Variants in SHANK1 observed in about 807,000 individuals in gnomAD.
SHANK1 encodes SH3 and multiple ankyrin repeat domains protein 1.
Under a neutral mutation model 165.6 loss-of-function variants are expected in SHANK1, and 35 were observed. That is an observed-to-expected ratio of 0.21 (90% confidence interval 0.16 to 0.28). The LOEUF is 0.28. SHANK1 is among the 10% of genes least tolerant of loss of function. The pLI is 1.00. For missense variants in SHANK1, 2,681 were observed against 3,036.4 expected, an observed-to-expected ratio of 0.88 and a Z score of 2.75; for synonymous variants, 1,428 against 1,384.8, an observed-to-expected ratio of 1.03 and a Z score of -0.69.
rs1011927207 is a variant in SHANK1 at position 50,713,088 on chromosome 19, TC to T, written c.792+709del. Among the ~76,000 whole-genome samples, 2 of 152,034 alleles carry T rather than the reference TC, an allele frequency of 1.3e-5. No individual in the cohort carries two copies. Among genetic ancestry groups the T allele is most frequent in the African/African-American group, 4.8e-5 (2 of 41,374 alleles). ...GCATTAGGGGCTCTTCAGGAAAGCATCTGAGGGAGAGAAGGGAGGGGCCGTT... is the reference window on the plus strand; with the variant it reads ...GCATTAGGGGCTCTTCAGGAAAGCATTGAGGGAGAGAAGGGAGGGGCCGTT... On this transcript the variant is annotated intron_variant, in intron 6 of 23. Transcript: ENST00000293441. This position sits in a 1 kb window ranked among gnomAD's most constrained non-coding sequence, Gnocchi z 6.2.
chr19:50,669,682 G>C (rs1985719714), intron 22 of SHANK1, among the ~76,000 whole-genome samples: 1 of 152,076 alleles, frequency 6.6e-6, no homozygotes, highest in South Asian at 2.1e-4. Flanking sequence ...ACGTATATGC[G>C]GGAAAGAAAT....
In SHANK1 at chr19:50,713,961, G is replaced by T; in HGVS notation, c.641-12C>A. ...TGTCAAGGGGGTCTCTGAAGGGCGGGAAAAGCTGGTCACATGAAGCCCCTT... is the reference window on the plus strand; with the variant it reads ...TGTCAAGGGGGTCTCTGAAGGGCGGTAAAAGCTGGTCACATGAAGCCCCTT... On this transcript the variant is annotated splice_polypyrimidine_tract_variant and intron_variant, in intron 5 of 23. Transcript: ENST00000293441. The surrounding 1 kb of genome is among the most constrained non-coding windows in gnomAD (Gnocchi z 6.2). 6.2e-7 allele frequency: 1 copy of T among 1,613,474 alleles called. No individual in the cohort carries two copies. Among genetic ancestry groups the T allele is most frequent in the Non-Finnish European group, 8.5e-7 (1 of 1,179,674 alleles).
At chr19:50,671,978 C>G (rs762712092) in intron 22 of SHANK1, 40 bp downstream of exon 22, 1 of 1,470,854 alleles carries the variant, frequency 6.8e-7, no homozygotes. Flanking sequence ...ACGTTCCTGG[C>G]CTCCCCCAGC....
At chr19:50,694,656 G>A (rs1224695804) in intron 15 of SHANK1, among the ~76,000 whole-genome samples, 2 of 139,284 alleles carry the variant, frequency 1.4e-5, no homozygotes, top group Non-Finnish European at 3.1e-5. Flanking sequence ...GCTGACGAGT[G>A]CGTATTAGGG....
In SHANK1 at chr19:50,666,656, C is replaced by T; in HGVS notation, c.5304G>A (p.Leu1768=). ...GGAGTCCCCCGCTGGGGCCAGGCCG[C>T]AGGCCTCCGCTGGCTCCTAGCGCCC... ...RGRALGASGG[L]RPGPSGGLRD... Residue 1768 remains leucine (L), a synonymous_variant, in exon 23 of 24, where the codon CTG becomes CTA. Coordinates refer to ENST00000293441, the MANE Select transcript of SHANK1 (RefSeq NM_016148.5). 6.3e-7 allele frequency: 1 copy of T among 1,590,434 alleles called. No individual in the cohort carries two copies. Among genetic ancestry groups the T allele is most frequent in the Non-Finnish European group, 8.5e-7 (1 of 1,172,110 alleles).
chr19:50,711,799 A>AC, intron 7 of SHANK1, 148 bp downstream of exon 7: 1 of 961,498 alleles, frequency 1.0e-6, no homozygotes, highest in Non-Finnish European at 1.6e-6. Flanking sequence ...TTCTGCCTTC[A>AC]CCCCCACCAT....
At chr19:50,703,317 G>T (rs1431243835) in intron 11 of SHANK1, among the ~76,000 whole-genome samples, 183 bp downstream of exon 11, 3 of 152,142 alleles carry the variant, frequency 2.0e-5, no homozygotes, top group Non-Finnish European at 4.4e-5. Flanking sequence ...GCTAACATGT[G>T]GTGCACCGGG....
chr19:50,686,205 C>G lies in SHANK1; in HGVS notation c.2577+32G>C, dbSNP rs369206881. 7.5e-7 allele frequency: 1 copy of G among 1,333,468 alleles called. No homozygotes were observed. The highest frequency in any genetic ancestry group is 1.0e-6 in the Non-Finnish European group (1 of 954,376). The allele number at this position is 1,333,468 out of a possible 1,614,324, so 82.6% of individuals were successfully genotyped here. On this transcript the variant is annotated intron_variant, in intron 21 of 23. Transcript: ENST00000293441. The surrounding 1 kb of genome is among the most constrained non-coding windows in gnomAD (Gnocchi z 5.7). ...GGTTGGTGTGTGAACCGCCTCCCCC[C>G]TGGCAGTTCCTCCCCACACCAGGCC... is the stretch of plus-strand genomic sequence containing the variant.
chr19:50,702,897 T>C lies in SHANK1; in HGVS notation c.1554-237A>G, dbSNP rs1431375522. 6.6e-6 allele frequency among the ~76,000 whole-genome samples: 1 copy of C among 152,032 alleles called. No individual in the cohort carries two copies. On this transcript the variant is annotated intron_variant, in intron 11 of 23. Transcript: ENST00000293441. The surrounding 1 kb of genome is among the most constrained non-coding windows in gnomAD (Gnocchi z 5.3). ...CCGGCTCTGCCCCCTCCCACGGTCC[T>C]GCGCGCACCGCCTGATTCAGCTTCC... is the stretch of plus-strand genomic sequence containing the variant.
Position 50,666,393 on chromosome 19 carries a change from G to C in SHANK1, c.5567C>G (p.Ala1856Gly), listed in dbSNP as rs1228005438. The change falls in exon 23 of 24, where the codon GCC becomes GGC. Residue 1856 changes from alanine to glycine, a missense_variant. Coordinates refer to ENST00000293441, the MANE Select transcript of SHANK1 (RefSeq NM_016148.5). ...GGCCAAGGCTGAGGCCTGAGGCTGG[G>C]CCAAGGGCCCGGGCAGAGGTGGTGG... ...PPPPPLPGPL[A>G]QPQASALATV... is the part of the protein sequence containing the mutation. The C allele has an allele frequency of 6.2e-7, 1 of 1,613,316 alleles. No individual in the cohort carries two copies. The highest frequency in any genetic ancestry group is 8.5e-7 in the Non-Finnish European group (1 of 1,179,790).
chr19:50,673,966 A>AT (rs1027823347), intron 21 of SHANK1, among the ~76,000 whole-genome samples: 3 of 151,840 alleles, frequency 2.0e-5, no homozygotes, highest in South Asian at 2.1e-4. Flanking sequence ...TAATTTTTAA[A>AT]TTTTTTTGCA....
In SHANK1 at chr19:50,662,274, C is replaced by T. The variant is rs140720832; in HGVS notation, c.6177G>A (p.Pro2059=). ...CTCCCCCGAGCCCCCCGGATATCCC[C>T]GGGTGTGGCGGCACAAAGACTGGGG... ...PFAPVFVPPH[P]GISGGLGGAL... Residue 2059 remains proline (P), a synonymous_variant, in exon 24 of 24, where the codon CCG becomes CCA. Coordinates refer to ENST00000293441, the MANE Select transcript of SHANK1 (RefSeq NM_016148.5). The surrounding 1 kb of genome is among the most constrained non-coding windows in gnomAD (Gnocchi z 7.7). 78 of 1,611,756 alleles carry T rather than the reference C, an allele frequency of 4.8e-5. No homozygotes were observed. In the Middle Eastern group the frequency reaches 8.2e-4, roughly 17 times the overall value.
At position 50,668,036 on chromosome 19, in the gene SHANK1, C is replaced by T; in HGVS notation, c.3924G>A (p.Ala1308=). 1 of 1,476,748 alleles carries T rather than the reference C, an allele frequency of 6.8e-7. No homozygotes were observed. The highest frequency in any genetic ancestry group is 8.9e-7 in the Non-Finnish European group (1 of 1,119,318). The allele number at this position is 1,476,748 out of a possible 1,614,324, so 91.5% of individuals were successfully genotyped here. Reference sequence around the variant, plus strand: ...TACCGGCCCCGTAGCCGCCGTAGCCCGCGCCGCTGCCCGCAGACTCCAGTC... The same window carrying T: ...TACCGGCCCCGTAGCCGCCGTAGCCTGCGCCGCTGCCCGCAGACTCCAGTC... ...YLRLESAGSG[A]GYGGYGAGSR... The change falls in exon 23 of 24, where the codon GCG becomes GCA. Residue 1308 remains alanine, a synonymous_variant. Transcript: ENST00000293441.
intron 21 of SHANK1, among the ~76,000 whole-genome samples, chr19:50,677,254 A>G (rs1243736573): frequency 6.6e-6 from 1 of 151,326 alleles, no homozygotes; most frequent in Non-Finnish European, 1.5e-5. Flanking sequence ...CAGCCTCCTG[A>G]GTAGCTGAGA....
chr19:50,673,305 A>G (rs1158330653), intron 21 of SHANK1, among the ~76,000 whole-genome samples: 1 of 152,084 alleles, frequency 6.6e-6, no homozygotes, highest in Non-Finnish European at 1.5e-5. Flanking sequence ...AGGGAAGCCC[A>G]CACGAAGACA....
At position 50,667,127 on chromosome 19, in the gene SHANK1, G is replaced by A. The variant is rs1225485658; in HGVS notation, c.4833C>T (p.Ala1611=). Residue 1611 remains alanine, a synonymous_variant, in exon 23 of 24, where the codon GCC becomes GCT. Transcript: ENST00000293441. This position sits in a 1 kb window ranked among gnomAD's most constrained non-coding sequence, Gnocchi z 5.7. ...TGGAGTCCAGGGTGGGAGGGGCTGCGGCCACAGCCGGGGGTGGCACAGGGG... is the reference window on the plus strand; with the variant it reads ...TGGAGTCCAGGGTGGGAGGGGCTGCAGCCACAGCCGGGGGTGGCACAGGGG... The part of the protein sequence containing the change: ...PLPPVPPPAV[A]AAPPTLDSTA... 3 of 1,555,240 alleles carry A rather than the reference G, an allele frequency of 1.9e-6. No homozygotes were observed. Among genetic ancestry groups the A allele is most frequent in the Admixed American group, 3.9e-5 (2 of 51,924 alleles).
intron 21 of SHANK1, among the ~76,000 whole-genome samples, chr19:50,674,393 T>C (rs1985908350): frequency 6.6e-6 from 1 of 152,126 alleles, no homozygotes; most frequent in African/African-American, 2.4e-5. Context: ...GGAATGAAGT[T>C]CGCACCTTTG....
Position 50,667,691 on chromosome 19 carries a change from C to T in SHANK1, c.4269G>A (p.Arg1423=). The T allele has an allele frequency of 2.9e-6, 4 of 1,357,384 alleles. No homozygotes were observed. Among genetic ancestry groups the T allele is most frequent in the Non-Finnish European group, 3.8e-6 (4 of 1,062,042 alleles). 84.1% of individuals were successfully genotyped at this position (1,357,384 alleles called of 1,614,324 possible). ...ACTTCTCCTGGCTGCCCAGCCCGGCCCTGTACCCCAGCTCCCGGCGCGCAG... is the reference window on the plus strand; with the variant it reads ...ACTTCTCCTGGCTGCCCAGCCCGGCTCTGTACCCCAGCTCCCGGCGCGCAG... ...PDPARRELGY[R]AGLGSQEKSL... is the part of the protein sequence containing the mutation. Residue 1423 remains arginine, a synonymous_variant, in exon 23 of 24, where the codon AGG becomes AGA. Transcript: ENST00000293441. The surrounding 1 kb of genome is among the most constrained non-coding windows in gnomAD (Gnocchi z 5.7).
At chr19:50,665,424 G>A (rs184903409) in intron 23 of SHANK1, among the ~76,000 whole-genome samples, 8 of 151,812 alleles carry the variant, frequency 5.3e-5, no homozygotes, top group South Asian at 2.1e-4. Flanking sequence ...AAAATTTGCC[G>A]GGCATGGTGG....
Sources: gnomAD v4.1 joint callset for allele counts (sites outside exome capture counted in the v4.1 genomes callset) on GRCh38, gnomAD v4.1.1 for gene constraint, Gnocchi (gnomAD v3.1) non-coding constraint, MANE v1.5 for transcripts, NCBI Gene and HGNC (gene_info 2026-07-23, HGNC 2026-07-21) for gene names.